Variants in TMOD1 observed in about 807,000 individuals in gnomAD.
TMOD1 encodes the protein tropomodulin 1, also known as tropomodulin-1.
TMOD1 carries 17 observed loss-of-function variants against 40.6 expected under a neutral mutation model. That is an observed-to-expected ratio of 0.42 (90% CI 0.29 to 0.63). TMOD1 has a LOEUF of 0.63. Ranked by LOEUF, TMOD1 falls within the 20% of genes least tolerant of loss-of-function variation. The pLI, the probability that TMOD1 is intolerant of heterozygous loss-of-function variation, is 0.22. For synonymous variants in TMOD1, 181 were observed against 175.0 expected, an observed-to-expected ratio of 1.03 and a Z score of -0.27; for missense variants, 391 against 447.6, an observed-to-expected ratio of 0.87 and a Z score of 1.14.
chr9:97,540,988 T>G (rs1400064190), intron 2 of TMOD1, among the ~76,000 whole-genome samples: 1 of 152,210 alleles, frequency 6.6e-6, no homozygotes, highest in African/African-American at 2.4e-5. Flanking sequence ...TGCTCTATAT[T>G]CTCATCAGTA....
chr9:97,525,302 TCAAA>T (rs1829995654), intron 2 of TMOD1, among the ~76,000 whole-genome samples: 1 of 152,186 alleles, frequency 6.6e-6, no homozygotes. Context: ...AAAGTCGGTA[TCAAA>T]CAATCTTGTG....
At chr9:97,508,220 G>T (rs867458174) in intron 1 of TMOD1, among the ~76,000 whole-genome samples, 1 of 150,864 alleles carries the variant, frequency 6.6e-6, no homozygotes, top group African/African-American at 2.4e-5. Context: ...ACAGAGTCTC[G>T]CTCTGTCACC....
At chr9:97,510,413 TA>T (rs1300420857) in intron 1 of TMOD1, among the ~76,000 whole-genome samples, 2 of 152,118 alleles carry the variant, frequency 1.3e-5, no homozygotes, top group African/African-American at 4.8e-5. Context: ...GTATTTTTAG[TA>T]GAGATGGGGT....
intron 8 of TMOD1, among the ~76,000 whole-genome samples, chr9:97,581,052 G>A (rs1369395788): frequency 1.4e-5 from 2 of 144,018 alleles, no homozygotes; most frequent in Non-Finnish European, 3.0e-5. Context: ...GTGCAGGTTA[G>A]TTACATATGT....
chr9:97,517,058 G>A (rs1489633126), intron 1 of TMOD1, among the ~76,000 whole-genome samples: 1 of 152,150 alleles, frequency 6.6e-6, no homozygotes, highest in African/African-American at 2.4e-5. Flanking sequence ...TGGGGGTGGG[G>A]AGGAGAGGCC....
chr9:97,584,906 G>A (rs1204806834), intron 8 of TMOD1, among the ~76,000 whole-genome samples: 1 of 152,194 alleles, frequency 6.6e-6, no homozygotes, highest in Non-Finnish European at 1.5e-5. Flanking sequence ...GTCTCTGCAA[G>A]TGAGATGGGT....
rs1829738897 is a variant in TMOD1 at position 97,513,375 on chromosome 9, GC to G, written c.-48-10763del. Among the ~76,000 whole-genome samples the G allele has an allele frequency of 6.6e-6, 1 of 152,178 alleles. No homozygotes were observed. Among genetic ancestry groups the G allele is most frequent in the African/African-American group, 2.4e-5 (1 of 41,420 alleles). On this transcript the variant is annotated intron_variant, in intron 1 of 9. Coordinates refer to ENST00000259365, the MANE Select transcript of TMOD1 (RefSeq NM_003275.4). This position sits in a 1 kb window ranked among gnomAD's most constrained non-coding sequence, Gnocchi z 4.1. Reference sequence around the variant, plus strand: ...GGCACAAAGTGGTATGCCTGAGGCTGCCCAGTCAGCTAGAGCCAGGGGTAGG... The same window carrying G: ...GGCACAAAGTGGTATGCCTGAGGCTGCCAGTCAGCTAGAGCCAGGGGTAGG...
At chr9:97,583,133 G>T (rs761545780) in intron 8 of TMOD1, among the ~76,000 whole-genome samples, 8,805 of 150,170 alleles carry the variant, frequency 0.059, 342 homozygotes, top group Non-Finnish European at 0.09. Context: ...TATTGGCTGT[G>T]GGTTTGTCAT....
At chr9:97,554,967 G>T (rs1830513528) in intron 4 of TMOD1, among the ~76,000 whole-genome samples, 1 of 152,122 alleles carries the variant, frequency 6.6e-6, no homozygotes, top group African/African-American at 2.4e-5. Flanking sequence ...GAAAGCCAGT[G>T]TGTAGATCCC....
At chr9:97,564,543 G>A (rs4743111) in intron 6 of TMOD1, among the ~76,000 whole-genome samples, 124,289 of 151,728 alleles carry the variant, frequency 0.82, 51,098 homozygotes, top group Middle Eastern at 0.89. Flanking sequence ...GGAAAAGTCC[G>A]GTGCCCACTA....
At position 97,600,070 on chromosome 9, in the gene TMOD1, C is replaced by T. The variant is rs1826218241; in HGVS notation, c.*372C>T. ...AAATGTGTGACACAGAAACGGCACACTCTTCCACATGCTTTTGAAGTATTA... is the reference window on the plus strand; with the variant it reads ...AAATGTGTGACACAGAAACGGCACATTCTTCCACATGCTTTTGAAGTATTA... On this transcript the variant is annotated 3_prime_UTR_variant, in exon 10 of 10. Coordinates refer to ENST00000259365, the MANE Select transcript of TMOD1 (RefSeq NM_003275.4). 1 of 1,045,352 alleles carries T rather than the reference C, an allele frequency of 9.6e-7. No homozygotes were observed. Among genetic ancestry groups the T allele is most frequent in the Non-Finnish European group, 1.2e-6 (1 of 863,974 alleles). The allele number at this position is 1,045,352 out of a possible 1,614,324, so 64.8% of individuals were successfully genotyped here. A position where few individuals can be genotyped will look rare whatever the true frequency, so the allele number is the denominator to read the frequency against.
rs913997714 is a variant in TMOD1, at chr9:97,583,494, A to G, written c.871-7797A>G. ...TGTTGTGTCTCTGCCTGGCTTTGGTATCAGAATGATGCTGGCCTCATAAAA... is the reference window on the plus strand; with the variant it reads ...TGTTGTGTCTCTGCCTGGCTTTGGTGTCAGAATGATGCTGGCCTCATAAAA... On this transcript the variant is annotated intron_variant, in intron 8 of 9. Transcript: ENST00000259365. 3.4e-3 allele frequency among the ~76,000 whole-genome samples: 508 copies of G among 151,314 alleles called. 2 individuals carry two copies. The highest frequency in any genetic ancestry group is 0.012 in the African/African-American group (490 of 41,314).
intron 8 of TMOD1, among the ~76,000 whole-genome samples, chr9:97,581,067 A>G (rs868585173): frequency 3.5e-4 from 52 of 148,954 alleles, no homozygotes; most frequent in South Asian, 3.4e-3. Flanking sequence ...ATATGTATAC[A>G]TGTGCCATGC....
chr9:97,517,581 A>C (rs1308974876), intron 1 of TMOD1, among the ~76,000 whole-genome samples: 1 of 152,186 alleles, frequency 6.6e-6, no homozygotes, highest in Non-Finnish European at 1.5e-5. Flanking sequence ...GCAGGGGCTC[A>C]GGAAGGGGCC....
intron 8 of TMOD1, among the ~76,000 whole-genome samples, chr9:97,573,891 C>A (rs1830862914): frequency 6.6e-6 from 1 of 152,210 alleles, no homozygotes; most frequent in South Asian, 2.1e-4. Flanking sequence ...AGTCACAAAG[C>A]ACAACCCACA....
In TMOD1 at chr9:97,555,507, G is replaced by A. The variant is rs532458383; in HGVS notation, c.397+2107G>A. 5.5e-6 allele frequency: 8 copies of A among 1,445,604 alleles called. No homozygotes were observed. The East Asian group carries it at 1.8e-4, about 32-fold the overall frequency. The allele number at this position is 1,445,604 out of a possible 1,614,324, so 89.5% of individuals were successfully genotyped here. On this transcript the variant is annotated intron_variant, in intron 4 of 9. Coordinates refer to ENST00000259365, the MANE Select transcript of TMOD1 (RefSeq NM_003275.4). ...CTTGAAACTACTTCTCTTTATTTTTGTTGGCGTGGCTATTTATTGTTATCT... is the reference window on the plus strand; with the variant it reads ...CTTGAAACTACTTCTCTTTATTTTTATTGGCGTGGCTATTTATTGTTATCT...
rs1826235983 is a variant in TMOD1, at chr9:97,600,643, C to T, written c.*945C>T. 2 of 989,634 alleles carry T rather than the reference C, an allele frequency of 2.0e-6. No individual in the cohort carries two copies. The highest frequency in any genetic ancestry group is 1.7e-5 in the African/African-American group (1 of 57,270). 61.3% of individuals were successfully genotyped at this position (989,634 alleles called of 1,614,324 possible). A position where few individuals can be genotyped will look rare whatever the true frequency, so the allele number is the denominator to read the frequency against. On this transcript the variant is annotated 3_prime_UTR_variant, in exon 10 of 10. Transcript: ENST00000259365. ...CAGCTTAGAGACTTCAGCTACTGAT[C>T]TCATCACTTATTAGACAAATTGCTG...
At chr9:97,555,201 C>A (rs1479650897) in intron 4 of TMOD1, among the ~76,000 whole-genome samples, 1 of 152,216 alleles carries the variant, frequency 6.6e-6, no homozygotes, top group Non-Finnish European at 1.5e-5. Flanking sequence ...GTAGATCCTC[C>A]ATTGAGCCCG....
rs1448441773 is a variant in TMOD1, at chr9:97,598,278, A to G, written c.1016-1356A>G. 2.0e-5 allele frequency among the ~76,000 whole-genome samples: 3 copies of G among 148,440 alleles called. No homozygotes were observed. The South Asian group carries it at 6.4e-4, about 32-fold the overall frequency. On this transcript the variant is annotated intron_variant, in intron 9 of 9. Coordinates refer to ENST00000259365, the MANE Select transcript of TMOD1 (RefSeq NM_003275.4). ...TGGGAGGCGAGGTTGCAGTGGGCCAAGATTGCGCCACTGCACTCCAGTCTG... is the reference window on the plus strand; with the variant it reads ...TGGGAGGCGAGGTTGCAGTGGGCCAGGATTGCGCCACTGCACTCCAGTCTG...
Sources: allele counts gnomAD v4.1 joint callset (sites outside exome capture counted in the v4.1 genomes callset), GRCh38; gene constraint gnomAD v4.1.1; non-coding constraint Gnocchi (gnomAD v3.1); transcripts MANE v1.5; gene names NCBI Gene and HGNC (gene_info 2026-07-23, HGNC 2026-07-21).